Variants in DTX1 observed in about 807,000 individuals in gnomAD.
The protein encoded by DTX1 is E3 ubiquitin-protein ligase DTX1.
A neutral mutation model predicts 57.8 loss-of-function variants in DTX1; 26 were observed. The observed-to-expected ratio is 0.45, with a 90% CI of 0.33 to 0.62. The LOEUF is 0.62. Ranked by LOEUF, DTX1 falls within the 20% of genes least tolerant of loss-of-function variation. The pLI is 0.02. For synonymous variants in DTX1, 398 were observed against 394.1 expected (o/e 1.01, Z -0.12); for missense variants, 704 against 895.3 (o/e 0.79, Z 2.73).
At chr12:113,081,568 G>A (rs903633691) in intron 3 of DTX1, among the ~76,000 whole-genome samples, 2 of 152,144 alleles carry the variant, frequency 1.3e-5, no homozygotes, top group Non-Finnish European at 2.9e-5. Context: ...AGAAGTGCTG[G>A]GGAGGTAGTG....
chr12:113,096,439 CAAAAAAAAAAAA>C (rs56194115), intron 9 of DTX1, among the ~76,000 whole-genome samples: 2 of 92,784 alleles, frequency 2.2e-5, no homozygotes, highest in Non-Finnish European at 4.1e-5. Flanking sequence ...GACTCTGCCT[CAAAAAAAAAAAA>C]AAAAAAAAAA....
chr12:113,069,922 A>G (rs1000119064), intron 2 of DTX1, among the ~76,000 whole-genome samples: 1 of 152,116 alleles, frequency 6.6e-6, no homozygotes, highest in African/African-American at 2.4e-5. Flanking sequence ...TCACATAGCA[A>G]TCCAGGGTTG....
Position 113,093,391 on chromosome 12 carries a change from C to T in DTX1, c.1004-148C>T. The T allele has an allele frequency of 7.4e-7, 1 of 1,343,062 alleles. No homozygotes were observed. Among genetic ancestry groups the T allele is most frequent in the East Asian group, 2.5e-5 (1 of 39,392 alleles). 83.2% of individuals were successfully genotyped at this position (1,343,062 alleles called of 1,614,324 possible). A position where few individuals can be genotyped will look rare whatever the true frequency, so the allele number is the denominator to read the frequency against. On this transcript the variant is annotated intron_variant, in intron 4 of 9. Transcript: ENST00000548759. The surrounding 1 kb of genome is among the most constrained non-coding windows in gnomAD (Gnocchi z 4.2). ...GGCGGGCGTGGCCCGCAGAAAGGCC[C>T]TTCAGGGGCCTTCAAGGGGCTGAGT... is the stretch of plus-strand genomic sequence containing the variant.
intron 2 of DTX1, among the ~76,000 whole-genome samples, chr12:113,068,497 G>A (rs908737537): frequency 2.6e-5 from 4 of 152,210 alleles, no homozygotes; most frequent in African/African-American, 9.7e-5. Flanking sequence ...CCAGTGGGGT[G>A]GGGTGGGTAG....
intron 3 of DTX1, among the ~76,000 whole-genome samples, chr12:113,079,241 T>C (rs1231070103): frequency 2.0e-5 from 3 of 152,172 alleles, no homozygotes; most frequent in Non-Finnish European, 2.9e-5. Context: ...GGGTTTGGAC[T>C]GTGGTCCCCA....
chr12:113,068,797 G>C (rs554634388), intron 2 of DTX1, among the ~76,000 whole-genome samples: 1 of 152,324 alleles, frequency 6.6e-6, no homozygotes, highest in Non-Finnish European at 1.5e-5. Flanking sequence ...TGGACACTGG[G>C]ACATGGGGAG....
At chr12:113,096,650 G>T in intron 9 of DTX1, 65 bp from the exon 10 acceptor site, 1 of 1,487,236 alleles carries the variant, frequency 6.7e-7, no homozygotes. Flanking sequence ...GAGGGAGGCT[G>T]AGGCTGGTGG....
intron 2 of DTX1, among the ~76,000 whole-genome samples, chr12:113,064,499 C>G (rs1304183900): frequency 1.3e-5 from 2 of 152,182 alleles, no homozygotes; most frequent in Non-Finnish European, 2.9e-5. Flanking sequence ...CATTTCAGAT[C>G]AGTTTCAGAG....
chr12:113,063,379 A>G (rs975003152), intron 2 of DTX1, among the ~76,000 whole-genome samples: 6 of 152,160 alleles, frequency 3.9e-5, no homozygotes, highest in Admixed American at 3.9e-4. Context: ...CCTCACCCAG[A>G]CCCTGAATTT....
rs999062235 is a variant in DTX1, at chr12:113,071,735, C to T, written c.260-5689C>T. On this transcript the variant is annotated intron_variant, in intron 2 of 9. Transcript: ENST00000548759. ...CACCAAGGAACCAGCTGCCCACCCC[C>T]TCGGCCTGGTCCATGGCCAGCCTGG... is the stretch of plus-strand genomic sequence containing the variant. Among the ~76,000 whole-genome samples the T allele has an allele frequency of 2.0e-5, 3 of 152,254 alleles. No individual in the cohort carries two copies. The South Asian group carries it at 6.2e-4, about 31-fold the overall frequency.
At chr12:113,058,651 G>A (rs904156794) in intron 2 of DTX1, among the ~76,000 whole-genome samples, 200 bp downstream of exon 2, 6 of 152,182 alleles carry the variant, frequency 3.9e-5, no homozygotes, top group African/African-American at 1.4e-4. Context: ...AAGCTGTAGG[G>A]CCTTGAGCAA....
At chr12:113,087,599 G>C (rs544756094) in intron 3 of DTX1, among the ~76,000 whole-genome samples, 4 of 152,070 alleles carry the variant, frequency 2.6e-5, no homozygotes, top group African/African-American at 9.7e-5. Flanking sequence ...AGGGTGGGGG[G>C]TCCCTAAAGC....
intron 3 of DTX1, among the ~76,000 whole-genome samples, chr12:113,091,038 G>A (rs910835156): frequency 3.3e-5 from 5 of 152,226 alleles, no homozygotes; most frequent in Admixed American, 2.0e-4. Context: ...GCTGCAGCGC[G>A]CCGGGGGCTT....
chr12:113,089,656 G>A (rs1566020123), intron 3 of DTX1, among the ~76,000 whole-genome samples: 2 of 152,190 alleles, frequency 1.3e-5, no homozygotes, highest in African/African-American at 2.4e-5. Context: ...CTGGGTTCTC[G>A]CAGGAGGCCT....
At chr12:113,073,624 C>T (rs1285125076) in intron 2 of DTX1, among the ~76,000 whole-genome samples, 1 of 152,172 alleles carries the variant, frequency 6.6e-6, no homozygotes, top group Non-Finnish European at 1.5e-5. Flanking sequence ...TGGCAGGGCA[C>T]AAGGCTAGTC....
In DTX1 at chr12:113,077,899, T is replaced by G; in HGVS notation, c.735T>G (p.Leu245=). The G allele has an allele frequency of 8.0e-7, 1 of 1,250,300 alleles. No homozygotes were observed. The highest frequency in any genetic ancestry group is 1.0e-6 in the Non-Finnish European group (1 of 1,003,724). The allele number at this position is 1,250,300 out of a possible 1,614,324, so 77.5% of individuals were successfully genotyped here. ...PPPPGGPPGA[L]AVRPSATFTG... ...CACCTGGAGGGCCTCCAGGCGCGCT[T>G]GCCGTGCGCCCCAGCGCCACCTTCA... The change falls in exon 3 of 10, where the codon CTT becomes CTG. Residue 245 remains leucine (L), a synonymous_variant. Transcript: ENST00000548759. This position sits in a 1 kb window ranked among gnomAD's most constrained non-coding sequence, Gnocchi z 7.8.
chr12:113,071,382 G>C (rs907052865), intron 2 of DTX1, among the ~76,000 whole-genome samples: 2 of 152,244 alleles, frequency 1.3e-5, no homozygotes, highest in African/African-American at 2.4e-5. Context: ...CAACTAGGGA[G>C]GAGAGAGAAG....
At chr12:113,064,643 C>T (rs1294603690) in intron 2 of DTX1, among the ~76,000 whole-genome samples, 1 of 152,184 alleles carries the variant, frequency 6.6e-6, no homozygotes, top group Non-Finnish European at 1.5e-5. Flanking sequence ...AATTCCTTAA[C>T]GTCTCTGAGT....
At chr12:113,087,142 A>G (rs1056923294) in intron 3 of DTX1, among the ~76,000 whole-genome samples, 2 of 149,202 alleles carry the variant, frequency 1.3e-5, no homozygotes, top group African/African-American at 2.6e-5. Context: ...TGACCCCCGC[A>G]GCCCCCATAC....
Sources: allele counts gnomAD v4.1 joint callset (sites outside exome capture counted in the v4.1 genomes callset), GRCh38; gene constraint gnomAD v4.1.1; non-coding constraint Gnocchi (gnomAD v3.1); transcripts MANE v1.5; gene names NCBI Gene and HGNC (gene_info 2026-07-23, HGNC 2026-07-21).